Variants in NCK2 observed in about 807,000 individuals in gnomAD.
NCK2 encodes cytoplasmic protein NCK2.
NCK2 carries 16 observed loss-of-function variants against 33.9 expected under a neutral mutation model. The ratio of observed to expected loss-of-function variants is 0.47; its 90% CI spans 0.32 to 0.72. NCK2 has a LOEUF of 0.72. Ranked by LOEUF, NCK2 falls within the 30% of genes least tolerant of loss-of-function variation. The pLI, the probability that NCK2 is intolerant of heterozygous loss-of-function variation, is 0.03. For missense variants in NCK2, 418 were observed against 537.3 expected (o/e 0.78, Z 2.19); for synonymous variants, 273 against 239.9 (o/e 1.14, Z -1.27).
At chr2:105,804,536 T>G (rs1385552718) in intron 1 of NCK2, among the ~76,000 whole-genome samples, 5 of 152,214 alleles carry the variant, frequency 3.3e-5, no homozygotes, top group Admixed American at 3.3e-4. Flanking sequence ...CAGAAATGGC[T>G]TAATTGGATT....
chr2:105,859,479 C>G (rs6726298), intron 3 of NCK2, among the ~76,000 whole-genome samples: 142,327 of 152,242 alleles, frequency 0.93, 66,621 homozygotes, highest in East Asian at 0.98. Context: ...CTAGGCCTAG[C>G]GTGGTTAGAA....
intron 1 of NCK2, among the ~76,000 whole-genome samples, chr2:105,799,305 G>A (rs1691187095): frequency 6.6e-6 from 1 of 151,956 alleles, no homozygotes; most frequent in Non-Finnish European, 1.5e-5. Context: ...GGTTATAAAG[G>A]GTGTTTTCCA....
chr2:105,793,446 T>C (rs1402941181), intron 1 of NCK2, among the ~76,000 whole-genome samples: 1 of 151,440 alleles, frequency 6.6e-6, no homozygotes, highest in Non-Finnish European at 1.5e-5. Flanking sequence ...GCAGGGAACT[T>C]CTGACCTCGG....
chr2:105,750,517 G>T (rs1008550422), intron 1 of NCK2, among the ~76,000 whole-genome samples: 9 of 152,150 alleles, frequency 5.9e-5, no homozygotes, highest in African/African-American at 2.2e-4. Flanking sequence ...ATCCAGATCT[G>T]GGATCTCTGT....
intron 2 of NCK2, among the ~76,000 whole-genome samples, chr2:105,842,747 A>G (rs1676696233): frequency 1.3e-5 from 2 of 152,180 alleles, no homozygotes; most frequent in African/African-American, 4.8e-5. Flanking sequence ...GGGCTCTGGG[A>G]GGCCTGACTG....
At chr2:105,766,451 G>A (rs906277043) in intron 1 of NCK2, among the ~76,000 whole-genome samples, 1 of 152,150 alleles carries the variant, frequency 6.6e-6, no homozygotes, top group African/African-American at 2.4e-5. Context: ...AGTCACCTGA[G>A]TAGCTGAGAC....
intron 1 of NCK2, among the ~76,000 whole-genome samples, chr2:105,793,559 T>C (rs577153739): frequency 1.3e-5 from 2 of 152,332 alleles, no homozygotes; most frequent in South Asian, 4.1e-4. Flanking sequence ...GTTTTCAGAG[T>C]AAATAGTTCT....
Position 105,759,183 on chromosome 2 carries a change from G to C in NCK2, c.-201+14045G>C, listed in dbSNP as rs565347182. On this transcript the variant is annotated intron_variant, in intron 1 of 4. Transcript: ENST00000233154. ...GGCCTTCAGAAGGAGAGAATTTCAC[G>C]TGTTAAGTCCTTATTTGGTCTTATT... 3.3e-5 allele frequency among the ~76,000 whole-genome samples: 5 copies of C among 152,252 alleles called. No individual in the cohort carries two copies. In the East Asian group the frequency reaches 9.6e-4, roughly 29 times the overall value.
intron 1 of NCK2, among the ~76,000 whole-genome samples, chr2:105,773,064 T>C (rs1690187871): frequency 6.6e-6 from 1 of 151,666 alleles, no homozygotes; most frequent in Admixed American, 6.6e-5. Context: ...GCAAATTTTT[T>C]TTTTTTAATT....
At chr2:105,769,275 A>ACCCCT (rs924076453) in intron 1 of NCK2, among the ~76,000 whole-genome samples, 2 of 49,332 alleles carry the variant, frequency 4.1e-5, no homozygotes, top group East Asian at 1.6e-3. Flanking sequence ...GCCCCGCCCC[A>ACCCCT]CCCCTCCCCT....
chr2:105,766,483 G>A (rs1367665216), intron 1 of NCK2, among the ~76,000 whole-genome samples: 2 of 152,126 alleles, frequency 1.3e-5, no homozygotes, highest in Non-Finnish European at 2.9e-5. Context: ...ACCAGCCCCA[G>A]TGAAGTTTTT....
rs531139169 is a variant in NCK2 at position 105,883,336 on chromosome 2, A to G, written c.948+1287A>G. Among the ~76,000 whole-genome samples the G allele has an allele frequency of 7.2e-5, 11 of 152,324 alleles. No homozygotes were observed. In the East Asian group the frequency reaches 2.1e-3, roughly 29 times the overall value. On this transcript the variant is annotated intron_variant, in intron 4 of 4. Transcript: ENST00000233154. ...TAAGGACAGCAGCGCTTTTAACTCA[A>G]TCGAGCAGAAACTTAGAGAAAGCGC... is the stretch of plus-strand genomic sequence containing the variant.
intron 1 of NCK2, among the ~76,000 whole-genome samples, chr2:105,759,201 G>A (rs1412256296): frequency 2.6e-5 from 4 of 152,088 alleles, no homozygotes; most frequent in Admixed American, 2.6e-4. Context: ...TCCTTATTTG[G>A]TCTTATTCAA....
chr2:105,855,339 C>A, intron 3 of NCK2, 50 bp downstream of exon 3: 1 of 1,363,796 alleles, frequency 7.3e-7, no homozygotes, highest in Non-Finnish European at 1.0e-6. Flanking sequence ...TCAAGGGACA[C>A]TGTTCGTCTT....
intron 1 of NCK2, among the ~76,000 whole-genome samples, chr2:105,769,634 G>A (rs1690062581): frequency 6.6e-6 from 1 of 152,196 alleles, no homozygotes; most frequent in African/African-American, 2.4e-5. Context: ...CTGCCCTCTG[G>A]AGGGAACCAT....
At chr2:105,889,049 C>T (rs1678850297) in intron 4 of NCK2, among the ~76,000 whole-genome samples, 1 of 152,178 alleles carries the variant, frequency 6.6e-6, no homozygotes, top group African/African-American at 2.4e-5. Context: ...TCTAGAAAGC[C>T]AACCGTGGAA....
At chr2:105,856,552 G>C (rs1397162474) in intron 3 of NCK2, 1 of 152,228 alleles carries the variant, frequency 6.6e-6, no homozygotes, top group Non-Finnish European at 1.5e-5. Context: ...TGTGGTGGGT[G>C]TTGCAAAATG....
chr2:105,746,363 A>G (rs1423670822), intron 1 of NCK2, among the ~76,000 whole-genome samples: 2 of 152,184 alleles, frequency 1.3e-5, no homozygotes, highest in African/African-American at 2.4e-5. Flanking sequence ...TTCCTGGCCC[A>G]GGCGCAGTCC....
chr2:105,773,793 T>C (rs1690212671), intron 1 of NCK2, among the ~76,000 whole-genome samples: 1 of 152,178 alleles, frequency 6.6e-6, no homozygotes, highest in Non-Finnish European at 1.5e-5. Flanking sequence ...TCCCCTGAGC[T>C]TGTGTCTGGC....
Sources: gnomAD v4.1 joint callset for allele counts (sites outside exome capture counted in the v4.1 genomes callset) on GRCh38, gnomAD v4.1.1 for gene constraint, MANE v1.5 for transcripts, NCBI Gene and HGNC (gene_info 2026-07-23, HGNC 2026-07-21) for gene names.